The following KLF12 variants were observed in gnomAD, a reference collection of about 807,000 sequenced individuals.
KLF12 encodes KLF transcription factor 12, also known as Krueppel-like factor 12.
Under a neutral mutation model 37.8 loss-of-function variants are expected in KLF12, and 9 were observed. The ratio of observed to expected loss-of-function variants is 0.24; its 90% CI spans 0.14 to 0.42. KLF12 has a LOEUF of 0.42. KLF12 is among the 10% of genes least tolerant of loss of function. The pLI is 1.00. For synonymous variants in KLF12, 208 were observed against 202.1 expected (o/e 1.03, Z -0.25); for missense variants, 411 against 516.0 (o/e 0.80, Z 1.97).
At chr13:73,965,018 A>G (rs1191994918) in intron 2 of KLF12, among the ~76,000 whole-genome samples, 1 of 152,180 alleles carries the variant, frequency 6.6e-6, no homozygotes, top group Non-Finnish European at 1.5e-5. Context: ...TACCGGGGTA[A>G]GCAGTTTAGC....
chr13:74,062,841 T>C (rs1359330078), intron 1 of KLF12, among the ~76,000 whole-genome samples: 2 of 152,172 alleles, frequency 1.3e-5, no homozygotes, highest in African/African-American at 4.8e-5. Flanking sequence ...ACCATCACCA[T>C]TTTCCTAACC....
intron 3 of KLF12, among the ~76,000 whole-genome samples, chr13:73,864,403 T>C (rs555467516): frequency 6.6e-6 from 1 of 152,126 alleles, no homozygotes; most frequent in African/African-American, 2.4e-5. Flanking sequence ...AAGCAGAACA[T>C]AAGCAATATG....
intron 3 of KLF12, among the ~76,000 whole-genome samples, chr13:73,935,136 C>T (rs574754554): frequency 1.3e-4 from 19 of 151,714 alleles, no homozygotes; most frequent in African/African-American, 3.1e-4. Flanking sequence ...TGAGCCACAA[C>T]GCCTGGCTAA....
chr13:74,090,044 A>G (rs537656860), intron 1 of KLF12, among the ~76,000 whole-genome samples: 2 of 152,210 alleles, frequency 1.3e-5, no homozygotes, highest in East Asian at 3.9e-4. Flanking sequence ...AGAAAATTCT[A>G]AGGAATACAC....
intron 6 of KLF12, among the ~76,000 whole-genome samples, chr13:73,750,070 A>C (rs1878637461): frequency 6.6e-6 from 1 of 152,234 alleles, no homozygotes; most frequent in South Asian, 2.1e-4. Flanking sequence ...AGTCACCATT[A>C]TTCTTCAAAC....
chr13:73,765,144 T>C (rs1169290132), intron 5 of KLF12, 144 bp from the exon 6 acceptor site: 16 of 575,260 alleles, frequency 2.8e-5, no homozygotes, highest in Non-Finnish European at 4.0e-5. Context: ...TAGTAAATGA[T>C]GCAATTAAAT....
At chr13:73,719,243 C>T (rs1169222597) in intron 6 of KLF12, among the ~76,000 whole-genome samples, 1 of 152,088 alleles carries the variant, frequency 6.6e-6, no homozygotes, top group East Asian at 1.9e-4. Flanking sequence ...GTCCAAGCTC[C>T]AAGAGTGCTG....
the KLF12 span, among the ~76,000 whole-genome samples, chr13:74,141,242 G>GATCTTAT: frequency 6.6e-6 from 1 of 152,248 alleles, no homozygotes; most frequent in East Asian, 1.9e-4. Flanking sequence ...AATGGGAAAC[G>GATCTTAT]ATCTTATATT....
chr13:73,880,662 A>G (rs1255388026), intron 3 of KLF12, among the ~76,000 whole-genome samples: 1 of 152,220 alleles, frequency 6.6e-6, no homozygotes, highest in Non-Finnish European at 1.5e-5. Context: ...ACCTAAAACT[A>G]GAATAAATAG....
At chr13:73,960,088 G>C (rs1004079077) in intron 2 of KLF12, among the ~76,000 whole-genome samples, 12 of 152,078 alleles carry the variant, frequency 7.9e-5, no homozygotes, top group African/African-American at 2.9e-4. Context: ...AAAAGTGACT[G>C]AACAATCGAC....
rs968552519 is a variant in KLF12 at position 74,071,565 on chromosome 13, C to T, written c.-32+62174G>A. On this transcript the variant is annotated intron_variant, in intron 1 of 7. Coordinates refer to ENST00000377669, the MANE Select transcript of KLF12 (RefSeq NM_007249.5). ...AAAATTAGCCGGGCGTGGTGGCAGGCGCCTGTAGTCCCAGCTACTCGGGAG... is the reference window on the plus strand; with the variant it reads ...AAAATTAGCCGGGCGTGGTGGCAGGTGCCTGTAGTCCCAGCTACTCGGGAG... Among the ~76,000 whole-genome samples, 5 of 151,712 alleles carry T rather than the reference C, an allele frequency of 3.3e-5. No individual in the cohort carries two copies. In the East Asian group the frequency reaches 7.8e-4, roughly 24 times the overall value.
chr13:74,087,295 G>A (rs1222437981), intron 1 of KLF12, among the ~76,000 whole-genome samples: 1 of 152,054 alleles, frequency 6.6e-6, no homozygotes, highest in African/African-American at 2.4e-5. Context: ...TCCTCTGTCA[G>A]AAGTTATATA....
At chr13:74,115,749 T>C (rs1593913064) in intron 1 of KLF12, among the ~76,000 whole-genome samples, 1 of 151,116 alleles carries the variant, frequency 6.6e-6, no homozygotes, top group Non-Finnish European at 1.5e-5. Flanking sequence ...CAACCTCTGG[T>C]GGCTGCTGGC....
chr13:73,849,106 T>A (rs1411166673), intron 3 of KLF12, among the ~76,000 whole-genome samples: 2 of 152,078 alleles, frequency 1.3e-5, no homozygotes, highest in Non-Finnish European at 2.9e-5. Context: ...AAAAATATGG[T>A]CTCAAAACAG....
the KLF12 span, among the ~76,000 whole-genome samples, chr13:74,221,160 C>T: frequency 1.3e-5 from 2 of 151,920 alleles, no homozygotes; most frequent in Non-Finnish European, 2.9e-5. Flanking sequence ...ACCGCCGCCA[C>T]CACGCCCGGC....
chr13:74,237,598 TG>T, the KLF12 span, among the ~76,000 whole-genome samples: 2 of 150,254 alleles, frequency 1.3e-5, no homozygotes, highest in South Asian at 4.2e-4. Flanking sequence ...TCCATTTGTT[TG>T]TATCCTCGTT....
At chr13:73,975,257 T>C (rs897921580) in intron 2 of KLF12, among the ~76,000 whole-genome samples, 1 of 152,234 alleles carries the variant, frequency 6.6e-6, no homozygotes, top group Non-Finnish European at 1.5e-5. Flanking sequence ...TGTCCAATTC[T>C]ATAATTACAA....
At chr13:73,937,544 G>T (rs1890003260) in intron 3 of KLF12, among the ~76,000 whole-genome samples, 1 of 152,186 alleles carries the variant, frequency 6.6e-6, no homozygotes, top group Admixed American at 6.5e-5. Context: ...ACTGTGGTTA[G>T]AACTGGTCAT....
At chr13:73,920,761 C>CT (rs1364025165) in intron 3 of KLF12, among the ~76,000 whole-genome samples, 1 of 151,870 alleles carries the variant, frequency 6.6e-6, no homozygotes, top group Non-Finnish European at 1.5e-5. Context: ...TCTCTCTCTC[C>CT]TGTTGGGGTT....
Sources: gnomAD v4.1 joint callset for allele counts (sites outside exome capture counted in the v4.1 genomes callset) on GRCh38, gnomAD v4.1.1 for gene constraint, MANE v1.5 for transcripts, NCBI Gene and HGNC (gene_info 2026-07-23, HGNC 2026-07-21) for gene names.